ZWILCH: variants seen among roughly 807,000 people sequenced by gnomAD.
The protein encoded by ZWILCH is zwilch kinetochore protein.
A neutral mutation model predicts 79.9 loss-of-function variants in ZWILCH; 74 were observed. The observed-to-expected ratio is 0.93, with a 90% CI of 0.77 to 1.12. ZWILCH has a LOEUF of 1.12. ZWILCH is among the 50% of genes most tolerant of loss of function. The pLI, the probability that ZWILCH is intolerant of heterozygous loss-of-function variation, is 0.00. For synonymous variants in ZWILCH, 241 were observed against 228.2 expected, an observed-to-expected ratio of 1.06 and a Z score of -0.51; for missense variants, 694 against 687.5, an observed-to-expected ratio of 1.01 and a Z score of -0.11.
intron 7 of ZWILCH, 102 bp from the exon 8 acceptor site, chr15:66,523,575 A>G: frequency 1.4e-6 from 1 of 701,228 alleles, no homozygotes; most frequent in Non-Finnish European, 2.4e-6. Flanking sequence ...TATGAAATAT[A>G]TTTTTTAATG....
Position 66,548,474 on chromosome 15 carries a change from A to C in ZWILCH, c.*150A>C, listed in dbSNP as rs779249345. On this transcript the variant is annotated 3_prime_UTR_variant, in exon 19 of 19. Transcript: ENST00000307897. Reference sequence around the variant, plus strand: ...TGAAGATTCTCTTATGAAGCTCCAAAATTGATAATCCTGTCTCAGCTCTGC... The same window carrying C: ...TGAAGATTCTCTTATGAAGCTCCAACATTGATAATCCTGTCTCAGCTCTGC... The C allele has an allele frequency of 2.0e-5, 29 of 1,453,562 alleles. No individual in the cohort carries two copies. The highest frequency in any genetic ancestry group is 2.7e-5 in the Non-Finnish European group (28 of 1,039,446). The allele number at this position is 1,453,562 out of a possible 1,614,324, so 90.0% of individuals were successfully genotyped here.
intron 7 of ZWILCH, among the ~76,000 whole-genome samples, chr15:66,521,838 T>C (rs1894505299): frequency 6.6e-6 from 1 of 152,014 alleles, no homozygotes; most frequent in Admixed American, 6.6e-5. Flanking sequence ...TGGTAACACA[T>C]CAAGAATCAT....
intron 8 of ZWILCH, among the ~76,000 whole-genome samples, chr15:66,526,431 G>A (rs1894674643): frequency 6.6e-6 from 1 of 151,512 alleles, no homozygotes; most frequent in Admixed American, 6.6e-5. Flanking sequence ...GTTACAAGTT[G>A]TTTCACTGGC....
intron 12 of ZWILCH, among the ~76,000 whole-genome samples, 189 bp from the exon 13 acceptor site, chr15:66,532,058 C>G (rs1894867485): frequency 6.6e-6 from 1 of 152,104 alleles, no homozygotes; most frequent in South Asian, 2.1e-4. Flanking sequence ...CAGAGCAAGA[C>G]TCTGTCTCAA....
In ZWILCH at chr15:66,506,994, C is replaced by T. The variant is rs189540398; in HGVS notation, c.53+1603C>T. 3.7e-3 allele frequency among the ~76,000 whole-genome samples: 556 copies of T among 151,994 alleles called. 2 individuals carry two copies. The highest frequency in any genetic ancestry group is 0.013 in the African/African-American group (531 of 41,446). On this transcript the variant is annotated intron_variant, in intron 1 of 18. Coordinates refer to ENST00000307897, the MANE Select transcript of ZWILCH (RefSeq NM_017975.5). ...GCCTCAGCCTCCCGAGTAGCTGGGA[C>T]TACAGGCGCATGCCACCACGCCTAG...
At chr15:66,542,721 GAT>G (rs1245227544) in intron 17 of ZWILCH, among the ~76,000 whole-genome samples, 1 of 152,144 alleles carries the variant, frequency 6.6e-6, no homozygotes, top group Non-Finnish European at 1.5e-5. Flanking sequence ...TTAAAAATAA[GAT>G]ATGCTTGCTT....
At position 66,523,762 on chromosome 15, in the gene ZWILCH, T is replaced by C. The variant is rs1189540580; in HGVS notation, c.819+14T>C. ...AAATTTCTTCTTGTGAGTATCCTTC[T>C]AGAATTCCTTTCCTTAAATCTATGT... On this transcript the variant is annotated intron_variant, in intron 8 of 18. Coordinates refer to ENST00000307897, the MANE Select transcript of ZWILCH (RefSeq NM_017975.5). 11 of 1,577,806 alleles carry C rather than the reference T, an allele frequency of 7.0e-6. No homozygotes were observed. Among genetic ancestry groups the C allele is most frequent in the Non-Finnish European group, 8.7e-6 (10 of 1,150,362 alleles).
At chr15:66,505,804 A>C (rs1893791986) in intron 1 of ZWILCH, 1 of 218,034 alleles carries the variant, frequency 4.6e-6, no homozygotes, top group Non-Finnish European at 9.1e-6. Flanking sequence ...GGTAGTTGCC[A>C]CATCAGCTAC....
chr15:66,506,179 T>A (rs1595899324), intron 1 of ZWILCH, among the ~76,000 whole-genome samples: 1 of 152,184 alleles, frequency 6.6e-6, no homozygotes, highest in East Asian at 1.9e-4. Context: ...AATGTTATAA[T>A]TTTTCATTGT....
At chr15:66,538,425 C>T (rs983528472) in intron 16 of ZWILCH, among the ~76,000 whole-genome samples, 1 of 151,720 alleles carries the variant, frequency 6.6e-6, no homozygotes. Flanking sequence ...TCTTATTTCC[C>T]AGGCTGGAGT....
chr15:66,532,876 A>G lies in ZWILCH; in HGVS notation c.1313-109A>G. On this transcript the variant is annotated intron_variant, in intron 13 of 18. Transcript: ENST00000307897. ...AAAAAATTTATATAGATTCCTTAATATGTAATTTAAGAATTTAAGAATTTA... is the reference window on the plus strand; with the variant it reads ...AAAAAATTTATATAGATTCCTTAATGTGTAATTTAAGAATTTAAGAATTTA... The G allele has an allele frequency of 1.2e-5, 9 of 749,490 alleles. No homozygotes were observed. In the South Asian group the frequency reaches 2.9e-4, roughly 24 times the overall value. 46.4% of individuals were successfully genotyped at this position (749,490 alleles called of 1,614,324 possible).
intron 7 of ZWILCH, 139 bp downstream of exon 7, chr15:66,521,344 C>A: frequency 1.1e-6 from 1 of 922,914 alleles, no homozygotes; most frequent in Non-Finnish European, 1.6e-6. Flanking sequence ...GCCCACCTTG[C>A]CACTAACGTC....
intron 6 of ZWILCH, among the ~76,000 whole-genome samples, 195 bp downstream of exon 6, chr15:66,520,855 C>T (rs1041092359): frequency 1.3e-5 from 2 of 152,060 alleles, no homozygotes; most frequent in Non-Finnish European, 2.9e-5. Flanking sequence ...TTTGTGGTTT[C>T]AAAGAATTGT....
intron 7 of ZWILCH, among the ~76,000 whole-genome samples, chr15:66,521,598 C>G (rs1260279543): frequency 6.6e-6 from 1 of 152,134 alleles, no homozygotes; most frequent in African/African-American, 2.4e-5. Flanking sequence ...TGTGCTCAAG[C>G]AGTCCTCCCG....
intron 1 of ZWILCH, among the ~76,000 whole-genome samples, chr15:66,507,140 C>T (rs919596142): frequency 2.0e-5 from 3 of 152,178 alleles, no homozygotes; most frequent in Non-Finnish European, 4.4e-5. Flanking sequence ...GGATTACAGG[C>T]GTGAGCCATC....
At chr15:66,546,788 T>TAGAAAGAA in intron 18 of ZWILCH, 83 bp downstream of exon 18, 1 of 635,734 alleles carries the variant, frequency 1.6e-6, no homozygotes, top group Non-Finnish European at 2.5e-6. Context: ...ATTATCAATG[T>TAGAAAGAA]CGATTTGCTA....
In ZWILCH at chr15:66,549,835, T is replaced by C. The variant is rs1895531645; in HGVS notation, c.*1511T>C. The C allele has an allele frequency of 9.6e-6, 4 of 417,030 alleles. No homozygotes were observed. The South Asian group carries it at 2.4e-4, about 25-fold the overall frequency. The allele number at this position is 417,030 out of a possible 1,614,324, so 25.8% of individuals were successfully genotyped here. On this transcript the variant is annotated 3_prime_UTR_variant, in exon 19 of 19. Transcript: ENST00000307897. The stretch of plus-strand genomic sequence containing the variant: ...ATAAAACTTGAATGGATAAAATGGA[T>C]AAAATGTTTATCTTTCATGGTAGAT...
chr15:66,542,459 C>T (rs986809985), intron 17 of ZWILCH, among the ~76,000 whole-genome samples: 4 of 152,210 alleles, frequency 2.6e-5, no homozygotes, highest in Middle Eastern at 3.4e-3. Context: ...GTGGCATGTG[C>T]CTGTAGTCCC....
intron 12 of ZWILCH, among the ~76,000 whole-genome samples, chr15:66,529,943 C>A (rs917773369): frequency 8.5e-5 from 13 of 152,166 alleles, no homozygotes; most frequent in African/African-American, 3.1e-4. Flanking sequence ...CTCTAAAAAG[C>A]AATTTTGGTA....
Sources: gnomAD v4.1 joint callset for allele counts (sites outside exome capture counted in the v4.1 genomes callset) on GRCh38, gnomAD v4.1.1 for gene constraint, MANE v1.5 for transcripts, NCBI Gene and HGNC (gene_info 2026-07-23, HGNC 2026-07-21) for gene names.